The following PPP1CC variants were observed in gnomAD, a reference collection of about 807,000 sequenced individuals.
PPP1CC encodes protein phosphatase 1 catalytic subunit gamma.
PPP1CC carries 16 observed loss-of-function variants against 38.4 expected under a neutral mutation model. The observed-to-expected ratio is 0.42, with a 90% CI of 0.28 to 0.63. PPP1CC has a LOEUF of 0.63. Ranked by LOEUF, PPP1CC falls within the 30% of genes least tolerant of loss-of-function variation. The pLI is 0.25. For missense variants in PPP1CC, 170 were observed against 391.3 expected (o/e 0.43, Z 4.77); for synonymous variants, 158 against 136.0 (o/e 1.16, Z -1.13).
chr12:110,727,427 T>G (rs192640757), intron 3 of PPP1CC, among the ~76,000 whole-genome samples: 2 of 152,208 alleles, frequency 1.3e-5, no homozygotes, highest in African/African-American at 4.8e-5. Context: ...TAGGAACATC[T>G]GGCTCCTGAA....
chr12:110,713,496 A>T, the PPP1CC span, among the ~76,000 whole-genome samples: 1 of 152,088 alleles, frequency 6.6e-6, no homozygotes, highest in Non-Finnish European at 1.5e-5. Flanking sequence ...GATCTTAGAC[A>T]AGGCATCACA....
At position 110,720,239 on chromosome 12, in the gene PPP1CC, G is replaced by A. The variant is rs759040354; in HGVS notation, c.*837C>T. On this transcript the variant is annotated 3_prime_UTR_variant, in exon 7 of 7. Coordinates refer to ENST00000335007, the MANE Select transcript of PPP1CC (RefSeq NM_002710.4). ...GATTACTTAATGAATAGACTATATG[G>A]AAATTGTATAAAATGTTATTACCTT... The A allele has an allele frequency of 5.7e-5, 84 of 1,485,036 alleles. No homozygotes were observed. Among genetic ancestry groups the A allele is most frequent in the Non-Finnish European group, 7.5e-5 (83 of 1,101,168 alleles). The allele number at this position is 1,485,036 out of a possible 1,614,324, so 92.0% of individuals were successfully genotyped here. A position where few individuals can be genotyped will look rare whatever the true frequency, so the allele number is the denominator to read the frequency against.
chr12:110,728,982 T>C (rs986854888), intron 3 of PPP1CC, among the ~76,000 whole-genome samples: 4 of 152,176 alleles, frequency 2.6e-5, no homozygotes, highest in African/African-American at 9.6e-5. Flanking sequence ...GGTTACGATG[T>C]GGTCTAGGGG....
intron 4 of PPP1CC, among the ~76,000 whole-genome samples, chr12:110,724,445 G>C (rs573383822): frequency 1.3e-5 from 2 of 152,180 alleles, no homozygotes; most frequent in African/African-American, 2.4e-5. Context: ...TTCAAACCTA[G>C]CTTACAGAGT....
chr12:110,714,826 A>T (rs1328744064), downstream of PPP1CC, among the ~76,000 whole-genome samples: 6 of 150,710 alleles, frequency 4.0e-5, no homozygotes, highest in African/African-American at 1.5e-4. Flanking sequence ...AAAAAAAAAA[A>T]AAAAAAAAAT....
chr12:110,741,708 C>T (rs192350319), intron 1 of PPP1CC, among the ~76,000 whole-genome samples: 1 of 152,294 alleles, frequency 6.6e-6, no homozygotes, highest in African/African-American at 2.4e-5. Flanking sequence ...TTCTAGCTCC[C>T]GGCTATGTGG....
chr12:110,709,503 C>T, the PPP1CC span, among the ~76,000 whole-genome samples: 1 of 151,864 alleles, frequency 6.6e-6, no homozygotes, highest in Non-Finnish European at 1.5e-5. Context: ...GTTGAGATTA[C>T]AGGCATGAGC....
intron 1 of PPP1CC, chr12:110,732,994 T>C (rs1182806165): frequency 2.0e-5 from 3 of 152,156 alleles, no homozygotes; most frequent in Non-Finnish European, 4.4e-5. Flanking sequence ...AAAAATATTA[T>C]ACAACAAGAA....
chr12:110,710,126 G>C, the PPP1CC span, among the ~76,000 whole-genome samples: 1 of 151,710 alleles, frequency 6.6e-6, no homozygotes, highest in African/African-American at 2.4e-5. Context: ...GCAAACCATA[G>C]GGAAAGAGAT....
chr12:110,709,749 G>A, the PPP1CC span, among the ~76,000 whole-genome samples: 1 of 151,424 alleles, frequency 6.6e-6, no homozygotes, highest in Admixed American at 6.6e-5. Context: ...GTTTCACTAT[G>A]TTGGCTAGGC....
Position 110,731,822 on chromosome 12 carries a change from G to C in PPP1CC, c.135C>G (p.Ile45Met). The change falls in exon 2 of 7, where the codon ATC (isoleucine) becomes ATG (methionine). Residue 45 changes from isoleucine to methionine, a missense_variant. Around this residue, in one of 3 missense-constraint regions of PPP1CC, gnomAD observed 117 missense variants for 344.4 expected, o/e 0.34. Transcript: ENST00000335007. The part of the protein sequence containing the change: ...IRGLCLKSRE[I>M]FLSQPILLEL... ...CTAGTAGGATAGGCTGACTGAGAAA[G>C]ATTTCACGAGACTTTAAGCACAGTC... 1.2e-6 allele frequency: 2 copies of C among 1,613,606 alleles called. No individual in the cohort carries two copies. Among genetic ancestry groups the C allele is most frequent in the Non-Finnish European group, 1.7e-6 (2 of 1,179,572 alleles).
chr12:110,712,073 A>G, the PPP1CC span, among the ~76,000 whole-genome samples: 1 of 152,156 alleles, frequency 6.6e-6, no homozygotes, highest in East Asian at 1.9e-4. Context: ...CTATATATTT[A>G]TATATGTTTA....
intron 1 of PPP1CC, 120 bp from the exon 2 acceptor site, chr12:110,732,021 C>T (rs773135378): frequency 1.9e-6 from 2 of 1,055,774 alleles, no homozygotes; most frequent in African/African-American, 3.2e-5. Context: ...ATTTTCAGGA[C>T]ACTTATAATA....
At chr12:110,711,291 A>ATTGCTCCTGCGGTATCTGCATGTTTG in the PPP1CC span, among the ~76,000 whole-genome samples, 1 of 150,746 alleles carries the variant, frequency 6.6e-6, no homozygotes, top group African/African-American at 2.5e-5. Context: ...GTTTGCACCT[A>ATTGCTCCTGCGGTATCTGCATGTTTG]TAATCCCAGC....
At chr12:110,717,291 A>G (rs2069694773), downstream of PPP1CC, among the ~76,000 whole-genome samples, 1 of 152,176 alleles carries the variant, frequency 6.6e-6, no homozygotes, top group African/African-American at 2.4e-5. Context: ...GCAGGACTGA[A>G]AGTTCTTACT....
intron 1 of PPP1CC, among the ~76,000 whole-genome samples, chr12:110,741,845 A>T (rs2070020318): frequency 6.6e-6 from 1 of 152,190 alleles, no homozygotes; most frequent in South Asian, 2.1e-4. Context: ...ATTAAATGAA[A>T]TCTGTCTTAA....
intron 1 of PPP1CC, among the ~76,000 whole-genome samples, chr12:110,737,477 C>CAAAAAAAAAAAAAAAAAAAAAAA (rs71083137): frequency 5.2e-4 from 22 of 42,480 alleles, no homozygotes; most frequent in African/African-American, 7.3e-4. Flanking sequence ...AAGAAAGACT[C>CAAAAAAAAAAAAAAAAAAAAAAA]AAAAAAAAAA....
At chr12:110,726,167 G>A (rs1593575932) in intron 3 of PPP1CC, 1 of 152,252 alleles carries the variant, frequency 6.6e-6, no homozygotes, top group East Asian at 1.9e-4. Flanking sequence ...CCTCTCCTTT[G>A]AGAGTTAGAG....
chr12:110,717,666 G>A (rs962046910), downstream of PPP1CC, among the ~76,000 whole-genome samples: 1 of 152,144 alleles, frequency 6.6e-6, no homozygotes, highest in Non-Finnish European at 1.5e-5. Context: ...AAAGTGCTGG[G>A]ATTACAGGTG....
Sources: gnomAD v4.1 joint callset for allele counts (sites outside exome capture counted in the v4.1 genomes callset) on GRCh38, gnomAD v4.1.1 for gene constraint, gnomAD v4.1.1 regional missense constraint, MANE v1.5 for transcripts, NCBI Gene and HGNC (gene_info 2026-07-23, HGNC 2026-07-21) for gene names.